AVEN: variants seen among roughly 807,000 people sequenced by gnomAD.
The protein encoded by AVEN is apoptosis and caspase activation inhibitor, also known as cell death regulator Aven.
Under a neutral mutation model 38.1 loss-of-function variants are expected in AVEN, and 41 were observed. The observed-to-expected ratio is 1.08, with a 90% CI of 0.84 to 1.40. The LOEUF is 1.40. Among genes scored for constraint, AVEN ranks in the 40% most tolerant of loss-of-function variants. The pLI is 0.00. For missense variants in AVEN, 605 were observed against 438.8 expected (o/e 1.38, Z -3.38); for synonymous variants, 206 against 171.8 (o/e 1.20, Z -1.56).
chr15:34,043,597 C>T (rs546026716), upstream of AVEN, among the ~76,000 whole-genome samples: 6 of 152,284 alleles, frequency 3.9e-5, no homozygotes, highest in Non-Finnish European at 5.9e-5. Flanking sequence ...AATCCACAGC[C>T]TGTACTCTGG....
intron 4 of AVEN, chr15:34,064,971 G>A: frequency 6.0e-6 from 1 of 167,260 alleles, no homozygotes. Flanking sequence ...AACCCATGCT[G>A]ATCTCCAGGG....
intron 2 of AVEN, among the ~76,000 whole-genome samples, chr15:33,877,627 C>T (rs771274154): frequency 5.3e-5 from 8 of 152,164 alleles, no homozygotes; most frequent in Admixed American, 2.6e-4. Context: ...CCAGCCTGAC[C>T]AACATGGTGA....
In AVEN at chr15:33,866,574, G is replaced by A. The variant is rs1428845366; in HGVS notation, c.*39C>T. On this transcript the variant is annotated 3_prime_UTR_variant, in exon 6 of 6. Coordinates refer to ENST00000306730, the MANE Select transcript of AVEN (RefSeq NM_020371.3). ...GCCTTATGCCCACCTGCCGTTAGAA[G>A]GCAACCAAGATTTGCTTCAGGCACT... 2 of 1,524,606 alleles carry A rather than the reference G, an allele frequency of 1.3e-6. No homozygotes were observed. The highest frequency in any genetic ancestry group is 1.4e-5 in the African/African-American group (1 of 72,806). 94.4% of individuals were successfully genotyped at this position (1,524,606 alleles called of 1,614,324 possible).
chr15:33,897,294 A>T (rs926228833), intron 2 of AVEN, among the ~76,000 whole-genome samples: 4 of 151,820 alleles, frequency 2.6e-5, no homozygotes, highest in African/African-American at 9.7e-5. Flanking sequence ...AACATAAATT[A>T]ATTAATTAAT....
chr15:33,973,404 C>T (rs1241698567), intron 2 of AVEN, among the ~76,000 whole-genome samples: 3 of 152,118 alleles, frequency 2.0e-5, no homozygotes, highest in Non-Finnish European at 4.4e-5. Context: ...CAACTGTATA[C>T]CTTCCCTTCA....
At chr15:33,855,827 A>G (rs2079599929), downstream of AVEN, 1 of 152,228 alleles carries the variant, frequency 6.6e-6, no homozygotes, top group Non-Finnish European at 1.5e-5. Flanking sequence ...ATGAGACTGG[A>G]TATAGCAACG....
downstream of AVEN, chr15:33,864,057 T>G: frequency 9.4e-7 from 1 of 1,061,726 alleles, no homozygotes; most frequent in Non-Finnish European, 1.4e-6. Context: ...CTAGCCTTTC[T>G]GAGCCCTGAT....
chr15:34,006,966 AACT>A, intron 1 of AVEN: 1 of 653,888 alleles, frequency 1.5e-6, no homozygotes, highest in Non-Finnish European at 1.9e-6. Flanking sequence ...ACAAGGTGAA[AACT>A]ATAAAGATAA....
intron 3 of AVEN, among the ~76,000 whole-genome samples, chr15:33,873,612 T>C (rs1034225810): frequency 6.7e-6 from 1 of 149,292 alleles, no homozygotes; most frequent in Non-Finnish European, 1.5e-5. Flanking sequence ...ATATTATATA[T>C]ATCCAGTTTT....
At chr15:33,923,522 G>C (rs766559549) in intron 2 of AVEN, among the ~76,000 whole-genome samples, 3 of 152,140 alleles carry the variant, frequency 2.0e-5, no homozygotes, top group Non-Finnish European at 2.9e-5. Flanking sequence ...TAACTTTGTG[G>C]GTCACACAGT....
At chr15:34,037,444 T>C (rs1899197566) in intron 1 of AVEN, among the ~76,000 whole-genome samples, 1 of 151,180 alleles carries the variant, frequency 6.6e-6, no homozygotes, top group South Asian at 2.1e-4. Flanking sequence ...AGTTAACCTG[T>C]AAAAATAAAG....
At chr15:33,868,765 G>A (rs1567385617) in intron 4 of AVEN, among the ~76,000 whole-genome samples, 1 of 151,726 alleles carries the variant, frequency 6.6e-6, no homozygotes, top group South Asian at 2.1e-4. Context: ...AGTGCCTTTT[G>A]GGGAGAGAGT....
chr15:33,937,447 G>A lies in AVEN; in HGVS notation c.446-61452C>T, dbSNP rs189425055. Among the ~76,000 whole-genome samples the A allele has an allele frequency of 8.3e-4, 126 of 151,484 alleles. 2 individuals are homozygous for A. The East Asian group carries it at 0.023, about 28-fold the overall frequency. The stretch of plus-strand genomic sequence containing the variant: ...ACTCGGGAGGCTGAGGCAGGAGAAC[G>A]GCATGAACCTGGGAGGCGGAGCTTG... On this transcript the variant is annotated intron_variant, in intron 2 of 5. Transcript: ENST00000306730.
intron 3 of AVEN, among the ~76,000 whole-genome samples, chr15:33,873,310 G>A (rs985590905): frequency 1.3e-5 from 2 of 150,170 alleles, no homozygotes; most frequent in South Asian, 2.1e-4. Context: ...ATGTTGGCCA[G>A]GCTGGTCTCG....
At chr15:33,892,678 A>G (rs1261006244) in intron 2 of AVEN, among the ~76,000 whole-genome samples, 2 of 151,598 alleles carry the variant, frequency 1.3e-5, no homozygotes, top group Non-Finnish European at 2.9e-5. Flanking sequence ...TGTTCTTTTT[A>G]CTTAGAATTG....
In AVEN at chr15:33,927,733, T is replaced by C. The variant is rs117940086; in HGVS notation, c.446-51738A>G. Among the ~76,000 whole-genome samples, 1,247 of 152,330 alleles carry C rather than the reference T, an allele frequency of 8.2e-3. 11 individuals are homozygous for C. The highest frequency in any genetic ancestry group is 0.014 in the Non-Finnish European group (959 of 68,034). On this transcript the variant is annotated intron_variant, in intron 2 of 5. Transcript: ENST00000306730. ...TTGTAGAATGTGCAAAAGAAAGATA[T>C]TTTAACTGCAATCTGTTAAGAACAC...
intron 2 of AVEN, among the ~76,000 whole-genome samples, chr15:33,905,813 T>C (rs1892677947): frequency 8.7e-6 from 1 of 115,162 alleles, no homozygotes. Context: ...AATTGAGACC[T>C]TGTTTCGGGA....
Position 34,055,845 on chromosome 15 carries a change from A to T in AVEN, n.1637+7077T>A, listed in dbSNP as rs549406324. Among the ~76,000 whole-genome samples the T allele has an allele frequency of 3.5e-3, 540 of 152,262 alleles. 1 individual carries two copies. Among genetic ancestry groups the T allele is most frequent in the Non-Finnish European group, 6.7e-3 (454 of 68,014 alleles). Reference sequence around the variant, plus strand: ...AAATAAAAATAAACAAATAAATAAAATGTGGAAATGCAAGTCCCACCCTTC... The same window carrying T: ...AAATAAAAATAAACAAATAAATAAATTGTGGAAATGCAAGTCCCACCCTTC... On this transcript the variant is annotated intron_variant and non_coding_transcript_variant, in intron 5 of 11. Coordinates refer to the AVEN transcript ENST00000675287.
downstream of AVEN, chr15:33,854,971 C>A: frequency 2.0e-6 from 3 of 1,493,976 alleles, no homozygotes; most frequent in South Asian, 1.4e-5. Flanking sequence ...AAAAAAAGAA[C>A]AGCAGGTAGT....
Sources: allele counts gnomAD v4.1 joint callset (sites outside exome capture counted in the v4.1 genomes callset), GRCh38; gene constraint gnomAD v4.1.1; transcripts MANE v1.5; gene names NCBI Gene and HGNC (gene_info 2026-07-23, HGNC 2026-07-21).